CD2AP: variants seen among roughly 807,000 people sequenced by gnomAD.
CD2AP encodes CD2-associated protein.
In CD2AP, 46 loss-of-function variants were observed where a neutral mutation model predicts 85.1. That is an observed-to-expected ratio of 0.54 (90% CI 0.43 to 0.69). The LOEUF (loss-of-function observed/expected upper bound fraction) is 0.69, where lower values mean the gene tolerates loss of function less well. Among genes scored for constraint, CD2AP ranks in the 30% least tolerant of loss-of-function variants. CD2AP has a pLI of 0.00. For missense variants in CD2AP, 769 were observed against 729.5 expected (o/e 1.05, Z -0.62); for synonymous variants, 255 against 252.9 (o/e 1.01, Z -0.08).
At chr6:47,503,105 C>T (rs577583675) in intron 1 of CD2AP, among the ~76,000 whole-genome samples, 175 bp from the exon 2 acceptor site, 1 of 152,250 alleles carries the variant, frequency 6.6e-6, no homozygotes, top group South Asian at 2.1e-4. Flanking sequence ...TTAAGATATT[C>T]AAGAAATTTG....
intron 2 of CD2AP, among the ~76,000 whole-genome samples, chr6:47,528,332 G>A (rs894291081): frequency 6.6e-6 from 1 of 152,042 alleles, no homozygotes; most frequent in Non-Finnish European, 1.5e-5. Context: ...GTGCCACTAC[G>A]CCTGGCTAAT....
rs981143361 is a variant in CD2AP at position 47,617,146 on chromosome 6, G to A, written c.1878+4610G>A. ...TGCCTGGTTAATTTTTCAGTTTTTTGTAGGGACTGGTTCTCACCATGTTGC... is the reference window on the plus strand; with the variant it reads ...TGCCTGGTTAATTTTTCAGTTTTTTATAGGGACTGGTTCTCACCATGTTGC... On this transcript the variant is annotated intron_variant, in intron 17 of 17. Transcript: ENST00000359314. Among the ~76,000 whole-genome samples the A allele has an allele frequency of 5.3e-5, 8 of 151,962 alleles. No individual in the cohort carries two copies. In the East Asian group the frequency reaches 1.5e-3, roughly 29 times the overall value.
chr6:47,478,321 C>T (rs1023670980), intron 1 of CD2AP, 73 bp downstream of exon 1: 8 of 1,537,754 alleles, frequency 5.2e-6, no homozygotes, highest in Admixed American at 2.0e-5. Context: ...CTTTCTCGGC[C>T]TTCTGGGGAG....
chr6:47,479,269 C>T (rs2113952967), intron 1 of CD2AP, among the ~76,000 whole-genome samples: 1 of 152,270 alleles, frequency 6.6e-6, no homozygotes, highest in South Asian at 2.1e-4. Context: ...TGCTTCATAT[C>T]AACAAACGAT....
At chr6:47,580,641 T>C (rs1768452181) in intron 9 of CD2AP, among the ~76,000 whole-genome samples, 1 of 152,184 alleles carries the variant, frequency 6.6e-6, no homozygotes, top group African/African-American at 2.4e-5. Context: ...TGGATTGAGA[T>C]ATTTGACTGA....
chr6:47,602,940 A>T (rs181231930), intron 13 of CD2AP, among the ~76,000 whole-genome samples: 18 of 152,120 alleles, frequency 1.2e-4, no homozygotes, highest in Admixed American at 9.8e-4. Context: ...GAAACACATT[A>T]TTCGATGGAA....
intron 1 of CD2AP, among the ~76,000 whole-genome samples, chr6:47,478,720 A>C (rs532328197): frequency 6.6e-6 from 1 of 152,300 alleles, no homozygotes; most frequent in East Asian, 1.9e-4. Context: ...AATTTGTTCA[A>C]AAACTTTTTT....
intron 1 of CD2AP, among the ~76,000 whole-genome samples, chr6:47,500,239 T>C (rs911088289): frequency 2.0e-5 from 3 of 152,258 alleles, no homozygotes; most frequent in Non-Finnish European, 4.4e-5. Context: ...GCATTTTATC[T>C]CGTTGAATTA....
intron 17 of CD2AP, among the ~76,000 whole-genome samples, chr6:47,614,411 CAG>C (rs1769527125): frequency 6.6e-6 from 1 of 152,098 alleles, no homozygotes; most frequent in Non-Finnish European, 1.5e-5. Context: ...TGTTCTATCT[CAG>C]ATAATAAGGA....
At chr6:47,586,256 T>G (rs1294916676) in intron 11 of CD2AP, among the ~76,000 whole-genome samples, 3 of 152,060 alleles carry the variant, frequency 2.0e-5, no homozygotes, top group Non-Finnish European at 4.4e-5. Flanking sequence ...TAGAAAAGAA[T>G]AATACAGTAT....
chr6:47,626,040 A>G lies in CD2AP; in HGVS notation c.*1813A>G, dbSNP rs1328705625. ...GGTAAAACAAAAATATTGTAATCCT[A>G]GAAATTATCCTCCAGCTTTCTCACC... On this transcript the variant is annotated 3_prime_UTR_variant, in exon 18 of 18. Coordinates refer to ENST00000359314, the MANE Select transcript of CD2AP (RefSeq NM_012120.3). The G allele has an allele frequency of 2.6e-5, 4 of 151,936 alleles. No individual in the cohort carries two copies. The highest frequency in any genetic ancestry group is 2.0e-4 in the Admixed American group (3 of 15,266). The allele number at this position is 151,936 out of a possible 1,614,324, so 9.4% of individuals were successfully genotyped here.
intron 4 of CD2AP, among the ~76,000 whole-genome samples, chr6:47,548,322 A>G (rs1339847681): frequency 6.6e-6 from 1 of 152,186 alleles, no homozygotes; most frequent in Non-Finnish European, 1.5e-5. Context: ...TAACCAAGAA[A>G]AGAAGAGAGA....
chr6:47,509,058 C>T lies in CD2AP; in HGVS notation c.165+5618C>T, dbSNP rs571472054. On this transcript the variant is annotated intron_variant, in intron 2 of 17. Transcript: ENST00000359314. ...TGATTTAAGTCAGAGATGTGTGATT[C>T]TTCCTTTCACTTGAATACTAGAGGC... 4.6e-4 allele frequency among the ~76,000 whole-genome samples: 70 copies of T among 152,120 alleles called. 1 individual carries two copies. Among genetic ancestry groups the T allele is most frequent in the Non-Finnish European group, 9.4e-4 (64 of 68,014 alleles).
chr6:47,554,819 C>G (rs1767636844), intron 5 of CD2AP, 53 bp downstream of exon 5: 3 of 1,459,820 alleles, frequency 2.1e-6, no homozygotes, highest in East Asian at 2.5e-5. Flanking sequence ...TATATAGCAT[C>G]TAGTGTTTTA....
chr6:47,548,176 CG>C (rs1342096647), intron 4 of CD2AP, among the ~76,000 whole-genome samples: 2 of 151,916 alleles, frequency 1.3e-5, no homozygotes, highest in Admixed American at 6.6e-5. Context: ...AACCCAAACT[CG>C]GCAGAAGAAA....
intron 5 of CD2AP, among the ~76,000 whole-genome samples, chr6:47,566,301 AAT>A (rs71831752): frequency 2.4e-4 from 26 of 110,204 alleles, no homozygotes; most frequent in African/African-American, 4.2e-4. Context: ...TGCTCATTAG[AAT>A]ATATATATAT....
intron 2 of CD2AP, among the ~76,000 whole-genome samples, chr6:47,513,466 ACT>A (rs998587653): frequency 3.0e-4 from 46 of 151,702 alleles, no homozygotes; most frequent in African/African-American, 1.1e-3. Flanking sequence ...TGGTCTGCAA[ACT>A]CTATTTTTTA....
At chr6:47,542,819 G>A (rs1471417575) in intron 3 of CD2AP, among the ~76,000 whole-genome samples, 2 of 152,020 alleles carry the variant, frequency 1.3e-5, no homozygotes, top group Admixed American at 6.6e-5. Flanking sequence ...GTAAGTACAG[G>A]GTGCTAGAGT....
intron 13 of CD2AP, among the ~76,000 whole-genome samples, chr6:47,600,292 A>G (rs1156883884): frequency 6.6e-6 from 1 of 151,842 alleles, no homozygotes; most frequent in Non-Finnish European, 1.5e-5. Flanking sequence ...TTTTACTGTG[A>G]TATTCTTTTA....
Sources: allele counts gnomAD v4.1 joint callset (sites outside exome capture counted in the v4.1 genomes callset), GRCh38; gene constraint gnomAD v4.1.1; transcripts MANE v1.5; gene names NCBI Gene and HGNC (gene_info 2026-07-23, HGNC 2026-07-21).